The following STAG1 variants were observed in gnomAD, a reference collection of about 807,000 sequenced individuals.
The protein encoded by STAG1 is cohesin subunit SA-1.
Under a neutral mutation model 170.9 loss-of-function variants are expected in STAG1, and 26 were observed. The observed-to-expected ratio is 0.15, with a 90% CI of 0.11 to 0.21. The LOEUF (loss-of-function observed/expected upper bound fraction) is 0.21, where lower values mean the gene tolerates loss of function less well. STAG1 is among the 10% of genes least tolerant of loss of function. STAG1 has a pLI of 1.00. For synonymous variants in STAG1, 514 were observed against 497.7 expected, an observed-to-expected ratio of 1.03 and a Z score of -0.44; for missense variants, 964 against 1,509.5, an observed-to-expected ratio of 0.64 and a Z score of 5.99.
At chr3:136,438,765 A>G (rs1045056838) in intron 15 of STAG1, among the ~76,000 whole-genome samples, 1 of 152,166 alleles carries the variant, frequency 6.6e-6, no homozygotes, top group Non-Finnish European at 1.5e-5. Flanking sequence ...TATTTGACTC[A>G]TATAGTTAAT....
intron 1 of STAG1, among the ~76,000 whole-genome samples, chr3:136,694,105 T>G (rs1168697351): frequency 6.6e-6 from 1 of 152,242 alleles, no homozygotes; most frequent in African/African-American, 2.4e-5. Flanking sequence ...ATGAACCAGT[T>G]CATTTGGCTC....
At chr3:136,471,939 G>T (rs778134348) in intron 12 of STAG1, among the ~76,000 whole-genome samples, 16 of 152,120 alleles carry the variant, frequency 1.1e-4, no homozygotes, top group African/African-American at 1.7e-4. Flanking sequence ...CTGGGCTCAA[G>T]CGACCCTCCC....
At chr3:136,564,728 G>C (rs1241099731) in intron 5 of STAG1, among the ~76,000 whole-genome samples, 4 of 151,850 alleles carry the variant, frequency 2.6e-5, no homozygotes, top group Non-Finnish European at 5.9e-5. Context: ...AATGGGCAAA[G>C]GATAGGAACA....
At chr3:136,663,291 T>A (rs1048347648) in intron 1 of STAG1, among the ~76,000 whole-genome samples, 1 of 152,206 alleles carries the variant, frequency 6.6e-6, no homozygotes, top group African/African-American at 2.4e-5. Context: ...ACTTTCTTTA[T>A]ATGCCCTTAA....
intron 28 of STAG1, among the ~76,000 whole-genome samples, chr3:136,354,696 T>C (rs1425126981): frequency 4.1e-5 from 3 of 72,712 alleles, no homozygotes; most frequent in Admixed American, 1.9e-4. Context: ...AAGGAATTAG[T>C]ATGCTACACT....
At chr3:136,617,227 CT>C (rs376804654) in intron 3 of STAG1, among the ~76,000 whole-genome samples, 1 of 152,348 alleles carries the variant, frequency 6.6e-6, no homozygotes, top group African/African-American at 2.4e-5. Flanking sequence ...TTTCCAGCCT[CT>C]GCTGAGTCCC....
chr3:136,688,978 G>A (rs1942630074), intron 1 of STAG1, among the ~76,000 whole-genome samples: 1 of 152,186 alleles, frequency 6.6e-6, no homozygotes, highest in African/African-American at 2.4e-5. Flanking sequence ...GATGGGGGAT[G>A]ATATAAGCAC....
intron 4 of STAG1, among the ~76,000 whole-genome samples, chr3:136,580,497 G>A (rs1372755195): frequency 6.8e-6 from 1 of 145,990 alleles, no homozygotes; most frequent in Non-Finnish European, 1.5e-5. Context: ...TTTGCTCTGA[G>A]TTTGCATTTA....
chr3:136,478,580 A>G (rs1232255102), intron 9 of STAG1, among the ~76,000 whole-genome samples: 2 of 152,222 alleles, frequency 1.3e-5, no homozygotes, highest in African/African-American at 4.8e-5. Flanking sequence ...ACAAAAGGCA[A>G]TAATCTATCA....
intron 1 of STAG1, among the ~76,000 whole-genome samples, chr3:136,637,970 C>A (rs991643741): frequency 6.6e-6 from 1 of 151,576 alleles, no homozygotes; most frequent in Non-Finnish European, 1.5e-5. Flanking sequence ...AACTCCTGGG[C>A]CCAAGTGATC....
chr3:136,726,983 CT>C (rs540571913), intron 1 of STAG1, among the ~76,000 whole-genome samples: 5 of 152,206 alleles, frequency 3.3e-5, no homozygotes, highest in Non-Finnish European at 7.3e-5. Context: ...CTGGACCATT[CT>C]TGCCTAGGTT....
In STAG1 at chr3:136,338,239, A is replaced by G; in HGVS notation, c.*15T>C. On this transcript the variant is annotated 3_prime_UTR_variant, in exon 34 of 34. Coordinates refer to ENST00000383202, the MANE Select transcript of STAG1 (RefSeq NM_005862.3). ...TAAATAATAGAGTTCCAGATTTGTA[A>G]ATTTTCTTCAGACTTCAGAACATAG... is the stretch of plus-strand genomic sequence containing the variant. The G allele has an allele frequency of 6.3e-7, 1 of 1,589,084 alleles. No homozygotes were observed. Among genetic ancestry groups the G allele is most frequent in the Non-Finnish European group, 8.6e-7 (1 of 1,159,686 alleles).
intron 1 of STAG1, among the ~76,000 whole-genome samples, chr3:136,655,614 T>C (rs1421635121): frequency 6.6e-6 from 1 of 152,132 alleles, no homozygotes; most frequent in Non-Finnish European, 1.5e-5. Context: ...AATATAAAAA[T>C]TAGCCAGACA....
At chr3:136,501,486 G>A (rs144452430) in intron 8 of STAG1, among the ~76,000 whole-genome samples, 40 of 152,192 alleles carry the variant, frequency 2.6e-4, no homozygotes, top group Non-Finnish European at 5.0e-4. Flanking sequence ...ATACACACAG[G>A]AAGAATGTCA....
chr3:136,472,169 C>T lies in STAG1; in HGVS notation c.1205+244G>A, dbSNP rs148855112. ...TTTTAAACAGAAAGGTAAGTTACAT[C>T]ATTGGTATTTTCTCTAGGCTGCATA... is the stretch of plus-strand genomic sequence containing the variant. On this transcript the variant is annotated intron_variant, in intron 12 of 33. Transcript: ENST00000383202. 5.9e-5 allele frequency among the ~76,000 whole-genome samples: 9 copies of T among 152,132 alleles called. No homozygotes were observed. The East Asian group carries it at 1.2e-3, about 20-fold the overall frequency.
intron 30 of STAG1, among the ~76,000 whole-genome samples, chr3:136,342,647 AT>A (rs1936030195): frequency 6.6e-6 from 1 of 152,274 alleles, no homozygotes; most frequent in East Asian, 1.9e-4. Flanking sequence ...ATACCCATAC[AT>A]TTATAGGATG....
rs748940069 is a variant in STAG1 at position 136,693,848 on chromosome 3, C to T, written c.-84+58347G>A. On this transcript the variant is annotated intron_variant, in intron 1 of 33. Transcript: ENST00000383202. ...TCAGGCTCCCAAAATGCTAAGATTA[C>T]AGGCATTAGCCACCATGCCTGGCCT... Among the ~76,000 whole-genome samples, 21 of 152,066 alleles carry T rather than the reference C, an allele frequency of 1.4e-4. 1 individual carries two copies. Among genetic ancestry groups the T allele is most frequent in the African/African-American group, 9.7e-5 (4 of 41,406 alleles).
At chr3:136,692,173 G>A (rs573885500) in intron 1 of STAG1, among the ~76,000 whole-genome samples, 17 of 151,694 alleles carry the variant, frequency 1.1e-4, no homozygotes, top group Admixed American at 7.9e-4. Context: ...AATTAGCCGG[G>A]CATGATGGCA....
At chr3:136,587,005 C>A in intron 4 of STAG1, 1 of 410,254 alleles carries the variant, frequency 2.4e-6, no homozygotes, top group Non-Finnish European at 4.8e-6. Context: ...CTACCACTAA[C>A]TCTGGTATTG....
Sources: gnomAD v4.1 joint callset for allele counts (sites outside exome capture counted in the v4.1 genomes callset) on GRCh38, gnomAD v4.1.1 for gene constraint, MANE v1.5 for transcripts, NCBI Gene and HGNC (gene_info 2026-07-23, HGNC 2026-07-21) for gene names.